NDST3: variants seen among roughly 807,000 people sequenced by gnomAD.
NDST3 encodes bifunctional heparan sulfate N-deacetylase/N-sulfotransferase 3.
In NDST3, 58 loss-of-function variants were observed where a neutral mutation model predicts 96.1. That is an observed-to-expected ratio of 0.60 (90% CI 0.49 to 0.75). The LOEUF (loss-of-function observed/expected upper bound fraction) is 0.75, where lower values mean the gene tolerates loss of function less well. Among genes scored for constraint, NDST3 ranks in the 30% least tolerant of loss-of-function variants. NDST3 has a pLI of 0.00. For synonymous variants in NDST3, 333 were observed against 359.7 expected (o/e 0.93, Z 0.84); for missense variants, 788 against 1,034.2 (o/e 0.76, Z 3.27).
At chr4:118,044,972 C>G (rs1336543742) in intron 1 of NDST3, among the ~76,000 whole-genome samples, 9 of 152,150 alleles carry the variant, frequency 5.9e-5, no homozygotes, top group Non-Finnish European at 4.4e-5. Context: ...AACACTGTTG[C>G]ATTGGGAATT....
At chr4:118,176,482 T>C (rs909806115) in intron 6 of NDST3, among the ~76,000 whole-genome samples, 2 of 152,116 alleles carry the variant, frequency 1.3e-5, no homozygotes, top group Admixed American at 6.6e-5. Flanking sequence ...AAATTGTTCT[T>C]CTCAACCTGG....
intron 6 of NDST3, among the ~76,000 whole-genome samples, chr4:118,188,078 G>T (rs2125961184): frequency 6.6e-6 from 1 of 152,132 alleles, no homozygotes; most frequent in South Asian, 2.1e-4. Flanking sequence ...GCCTAGGAAA[G>T]CTTTTATACA....
chr4:118,115,084 G>A, intron 4 of NDST3, 124 bp downstream of exon 4: 1 of 1,007,406 alleles, frequency 9.9e-7, no homozygotes, highest in Non-Finnish European at 1.5e-6. Flanking sequence ...GAATATTTTG[G>A]TATTGCCGCC....
intron 2 of NDST3, among the ~76,000 whole-genome samples, chr4:118,096,413 CA>C (rs1416066678): frequency 2.6e-5 from 4 of 151,636 alleles, no homozygotes; most frequent in African/African-American, 7.3e-5. Flanking sequence ...CATACTTTGC[CA>C]AAACTGATAA....
Position 118,205,894 on chromosome 4 carries a change from G to A in NDST3, c.1540-18597G>A, listed in dbSNP as rs1429158983. 3.7e-5 allele frequency among the ~76,000 whole-genome samples: 5 copies of A among 134,064 alleles called. 1 individual carries two copies. The highest frequency in any genetic ancestry group is 2.1e-4 in the East Asian group (1 of 4,802). 88.0% of individuals were successfully genotyped at this position (134,064 alleles called of 152,430 possible). On this transcript the variant is annotated intron_variant, in intron 6 of 13. Coordinates refer to ENST00000296499, the MANE Select transcript of NDST3 (RefSeq NM_004784.3). ...GTCACCCAGGCTGGAGTGCAGTGCC[G>A]CGATCTCGGCTCACTGCAAGCTCCG...
intron 2 of NDST3, among the ~76,000 whole-genome samples, chr4:118,080,315 A>T (rs1230235665): frequency 1.3e-5 from 2 of 151,978 alleles, no homozygotes; most frequent in Non-Finnish European, 1.5e-5. Flanking sequence ...GAGTTCAGAG[A>T]GATGTTGGGA....
At chr4:118,061,912 A>G (rs1366053372) in intron 2 of NDST3, among the ~76,000 whole-genome samples, 1 of 152,180 alleles carries the variant, frequency 6.6e-6, no homozygotes, top group Non-Finnish European at 1.5e-5. Context: ...ACATGGTGGA[A>G]GAAGATTTAT....
At chr4:118,194,393 T>G in intron 6 of NDST3, 1 of 733,072 alleles carries the variant, frequency 1.4e-6, no homozygotes, top group East Asian at 2.5e-5. Context: ...TGGGGAGATC[T>G]TTGGAGGACT....
intron 1 of NDST3, among the ~76,000 whole-genome samples, chr4:118,041,284 T>C (rs1255533595): frequency 6.6e-6 from 1 of 152,202 alleles, no homozygotes; most frequent in Non-Finnish European, 1.5e-5. Flanking sequence ...ATGGGCAGGT[T>C]ACTTCACCTC....
intron 6 of NDST3, chr4:118,194,296 T>C: frequency 1.4e-6 from 1 of 733,712 alleles, no homozygotes; most frequent in Non-Finnish European, 2.5e-6. Context: ...AAGTCTGTAA[T>C]TCTGTAGATG....
intron 3 of NDST3, among the ~76,000 whole-genome samples, chr4:118,106,594 G>A (rs1420586977): frequency 6.6e-6 from 1 of 151,850 alleles, no homozygotes; most frequent in East Asian, 2.0e-4. Context: ...ATTGATTTTT[G>A]TGCATATATC....
At chr4:118,150,715 A>G (rs1484437851) in intron 6 of NDST3, among the ~76,000 whole-genome samples, 37 of 151,256 alleles carry the variant, frequency 2.4e-4, no homozygotes, top group African/African-American at 7.6e-4. Flanking sequence ...TAGAATAGCA[A>G]TCATTCAAAA....
chr4:118,040,213 G>A (rs1279214412), intron 1 of NDST3, among the ~76,000 whole-genome samples: 1 of 152,202 alleles, frequency 6.6e-6, no homozygotes, highest in Non-Finnish European at 1.5e-5. Flanking sequence ...TAATAAGAAA[G>A]GGCACAGTCT....
chr4:118,086,202 T>C (rs1243809844), intron 2 of NDST3, among the ~76,000 whole-genome samples: 1 of 152,196 alleles, frequency 6.6e-6, no homozygotes, highest in Middle Eastern at 3.2e-3. Flanking sequence ...AATTTTAGCA[T>C]CTTGCAATCA....
At chr4:118,104,745 C>G (rs1253679696) in intron 2 of NDST3, among the ~76,000 whole-genome samples, 1 of 152,008 alleles carries the variant, frequency 6.6e-6, no homozygotes, top group South Asian at 2.1e-4. Context: ...CTTTTGATAC[C>G]TACAGAATAA....
intron 4 of NDST3, among the ~76,000 whole-genome samples, chr4:118,116,661 T>G (rs550879517): frequency 1.3e-5 from 2 of 152,010 alleles, no homozygotes; most frequent in South Asian, 4.2e-4. Flanking sequence ...ATCGAGACCA[T>G]CCTGGCTAAC....
chr4:118,247,557 A>AAAAG (rs199914100), intron 12 of NDST3, among the ~76,000 whole-genome samples: 66 of 152,050 alleles, frequency 4.3e-4, no homozygotes, highest in South Asian at 8.3e-4. Context: ...TGTCTAAAAA[A>AAAAG]AAAGAAAGAA....
At chr4:118,156,340 G>A (rs1393692468) in intron 6 of NDST3, among the ~76,000 whole-genome samples, 1 of 152,116 alleles carries the variant, frequency 6.6e-6, no homozygotes, top group Non-Finnish European at 1.5e-5. Context: ...TCTCCTCTGT[G>A]TTCTCATGGT....
Position 118,149,584 on chromosome 4 carries a change from G to C in NDST3, c.1539+5900G>C, listed in dbSNP as rs547609985. Among the ~76,000 whole-genome samples, 640 of 149,798 alleles carry C rather than the reference G, an allele frequency of 4.3e-3. 7 individuals are homozygous for C. The highest frequency in any genetic ancestry group is 6.3e-3 in the Non-Finnish European group (426 of 67,296). On this transcript the variant is annotated intron_variant, in intron 6 of 13. Transcript: ENST00000296499. ...CTGTTGTTGGTGTATAAGAATGCTT[G>C]TGATTTTTGTACATTGATTTTGTAT...
Sources: allele counts gnomAD v4.1 joint callset (sites outside exome capture counted in the v4.1 genomes callset), GRCh38; gene constraint gnomAD v4.1.1; transcripts MANE v1.5; gene names NCBI Gene and HGNC (gene_info 2026-07-23, HGNC 2026-07-21).